The following PHC2 variants were observed in gnomAD, a reference collection of about 807,000 sequenced individuals.
PHC2 encodes polyhomeotic homolog 2, also known as polyhomeotic-like protein 2.
A neutral mutation model predicts 87.4 loss-of-function variants in PHC2; 29 were observed. The observed-to-expected ratio is 0.33, with a 90% CI of 0.25 to 0.45. The LOEUF is 0.45. Among genes scored for constraint, PHC2 ranks in the 20% least tolerant of loss-of-function variants. The probability of loss-of-function intolerance (pLI) is 1.00; values close to 1 mark genes in which losing one functional copy is unlikely to be tolerated. For synonymous variants in PHC2, 438 were observed against 461.7 expected (o/e 0.95, Z 0.66); for missense variants, 857 against 1,136.7 (o/e 0.75, Z 3.54).
At chr1:33,424,097 C>CAAAAAAAAAAAAACA (rs1650568243) in intron 1 of PHC2, among the ~76,000 whole-genome samples, 1 of 108,734 alleles carries the variant, frequency 9.2e-6, no homozygotes, top group African/African-American at 3.7e-5. Context: ...GACTCCGTCT[C>CAAAAAAAAAAAAACA]AAAAAAAAAA....
At chr1:33,374,793 CCA>C (rs1347596924) in intron 2 of PHC2, among the ~76,000 whole-genome samples, 3 of 152,140 alleles carry the variant, frequency 2.0e-5, no homozygotes, top group African/African-American at 7.2e-5. Flanking sequence ...TCTCTGAGCC[CCA>C]GTTTTCTCAA....
chr1:33,348,242 G>C (rs1646882519), intron 9 of PHC2, among the ~76,000 whole-genome samples: 1 of 152,180 alleles, frequency 6.6e-6, no homozygotes, highest in Non-Finnish European at 1.5e-5. Flanking sequence ...CTAATCAATA[G>C]GGTCTGCCAC....
At chr1:33,358,257 G>C (rs991890595) in intron 7 of PHC2, among the ~76,000 whole-genome samples, 3 of 152,186 alleles carry the variant, frequency 2.0e-5, no homozygotes, top group Non-Finnish European at 4.4e-5. Flanking sequence ...GGGACTGCTT[G>C]CCTGGCTTCT....
At chr1:33,353,966 TCCCCTTCTGCCTC>T (rs558989275) in intron 9 of PHC2, among the ~76,000 whole-genome samples, 53 of 152,208 alleles carry the variant, frequency 3.5e-4, no homozygotes, top group African/African-American at 1.2e-3. Context: ...CTCATCTGAG[TCCCCTTCTGCCTC>T]CCCCTGGCAT....
At chr1:33,414,142 A>G (rs1650099462) in intron 1 of PHC2, among the ~76,000 whole-genome samples, 1 of 151,616 alleles carries the variant, frequency 6.6e-6, no homozygotes, top group African/African-American at 2.4e-5. Flanking sequence ...ATAAGTGCCC[A>G]TGCATCATGT....
At chr1:33,326,693 C>T (rs1646378518) in intron 14 of PHC2, among the ~76,000 whole-genome samples, 1 of 152,180 alleles carries the variant, frequency 6.6e-6, no homozygotes, top group South Asian at 2.1e-4. Flanking sequence ...GTGGCTCACG[C>T]CTATAATCCC....
intron 9 of PHC2, 22 bp downstream of exon 9, chr1:33,354,379 A>G: frequency 6.3e-7 from 1 of 1,589,666 alleles, no homozygotes; most frequent in Non-Finnish European, 8.6e-7. Context: ...CCCCTCCCCC[A>G]GGGCCCCACT....
At chr1:33,376,012 CTG>C (rs2148337032) in intron 1 of PHC2, among the ~76,000 whole-genome samples, 1 of 152,296 alleles carries the variant, frequency 6.6e-6, no homozygotes, top group Admixed American at 6.5e-5. Flanking sequence ...GCTTTCCAGT[CTG>C]TGGTGGGGCC....
At chr1:33,418,346 C>A (rs10914699) in intron 1 of PHC2, among the ~76,000 whole-genome samples, 2,717 of 135,706 alleles carry the variant, frequency 0.02, 74 homozygotes, top group African/African-American at 0.064. Flanking sequence ...GAAAAAGGAG[C>A]AAGAGCAAGA....
intron 1 of PHC2, among the ~76,000 whole-genome samples, chr1:33,423,606 T>G (rs530403285): frequency 6.6e-6 from 1 of 152,318 alleles, no homozygotes; most frequent in East Asian, 1.9e-4. Flanking sequence ...ACACTCCTGT[T>G]AAGCTTTTTG....
intron 1 of PHC2, among the ~76,000 whole-genome samples, chr1:33,429,675 T>C (rs1295919169): frequency 6.6e-6 from 1 of 152,262 alleles, no homozygotes; most frequent in African/African-American, 2.4e-5. Flanking sequence ...GGACAAGGAC[T>C]AATTATCTTA....
intron 1 of PHC2, among the ~76,000 whole-genome samples, chr1:33,405,114 T>G (rs1649700565): frequency 6.6e-6 from 1 of 152,216 alleles, no homozygotes; most frequent in Non-Finnish European, 1.5e-5. Flanking sequence ...ATGTCTTCCT[T>G]TTCATTCCTG....
At chr1:33,418,441 T>A (rs1289396050) in intron 1 of PHC2, among the ~76,000 whole-genome samples, 1 of 152,092 alleles carries the variant, frequency 6.6e-6, no homozygotes, top group Non-Finnish European at 1.5e-5. Flanking sequence ...ATGAAAAGGA[T>A]AATGAAACAA....
At chr1:33,346,164 C>G in intron 9 of PHC2, 6 of 985,024 alleles carry the variant, frequency 6.1e-6, no homozygotes, top group Non-Finnish European at 7.2e-6. Context: ...CACAAAGTCC[C>G]CATCAGAGTA....
At chr1:33,370,323 G>T in intron 5 of PHC2, 98 bp downstream of exon 5, 1 of 1,187,456 alleles carries the variant, frequency 8.4e-7, no homozygotes, top group Non-Finnish European at 1.2e-6. Flanking sequence ...CCTGCCCCTA[G>T]TGCTTCCTCC....
chr1:33,379,203 C>T (rs913657500), intron 1 of PHC2, among the ~76,000 whole-genome samples: 2 of 151,674 alleles, frequency 1.3e-5, no homozygotes, highest in Non-Finnish European at 2.9e-5. Flanking sequence ...CAGTGCACTT[C>T]CCACACTCTT....
Position 33,354,851 on chromosome 1 carries a change from G to GGCTGCAGTTGTAAGATGACA in PHC2, c.1359_1378dup (p.Pro460LeufsTer77). 6.2e-7 allele frequency: 1 copy of GGCTGCAGTTGTAAGATGACA among 1,613,760 alleles called. No homozygotes were observed. Among genetic ancestry groups the GGCTGCAGTTGTAAGATGACA allele is most frequent in the East Asian group, 2.2e-5 (1 of 44,886 alleles). ...TGGCTTACTCACCACTGGTGAAGCA[G>GGCTGCAGTTGTAAGATGACA]GCTGCAGTTGTAAGATGACAGCTGA... On this transcript the variant is annotated frameshift_variant, in exon 8 of 15. Coordinates refer to ENST00000683057, the MANE Select transcript of PHC2 (RefSeq NM_001385109.1). LOFTEE classifies it high-confidence loss of function.
chr1:33,400,365 A>G (rs1368354490), intron 1 of PHC2, among the ~76,000 whole-genome samples: 1 of 152,258 alleles, frequency 6.6e-6, no homozygotes, highest in East Asian at 1.9e-4. Flanking sequence ...CATAGCAAAA[A>G]CCTGGAAACA....
intron 7 of PHC2, among the ~76,000 whole-genome samples, chr1:33,366,670 T>G (rs1647469511): frequency 6.6e-6 from 1 of 152,270 alleles, no homozygotes; most frequent in African/African-American, 2.4e-5. Context: ...TGGCAAATAC[T>G]AATCAACAAA....
Sources: gnomAD v4.1 joint callset for allele counts (sites outside exome capture counted in the v4.1 genomes callset) on GRCh38, gnomAD v4.1.1 for gene constraint, MANE v1.5 for transcripts, NCBI Gene and HGNC (gene_info 2026-07-23, HGNC 2026-07-21) for gene names.